The following GRAMD1B variants were observed in gnomAD, a reference collection of about 807,000 sequenced individuals.
GRAMD1B encodes the protein GRAM domain containing 1B, also known as protein Aster-B.
In GRAMD1B, 37 loss-of-function variants were observed where a neutral mutation model predicts 99.7. The ratio of observed to expected loss-of-function variants is 0.37; its 90% confidence interval spans 0.29 to 0.49. The LOEUF (loss-of-function observed/expected upper bound fraction) is 0.49, where lower values mean the gene tolerates loss of function less well. GRAMD1B is among the 20% of genes least tolerant of loss of function. The pLI is 0.98. For synonymous variants in GRAMD1B, 427 were observed against 387.6 expected (o/e 1.10, Z -1.19); for missense variants, 888 against 1,009.2 (o/e 0.88, Z 1.63).
At chr11:123,384,922 G>A (rs1369488973) in intron 1 of GRAMD1B, among the ~76,000 whole-genome samples, 1 of 152,108 alleles carries the variant, frequency 6.6e-6, no homozygotes, top group Non-Finnish European at 1.5e-5. Context: ...TCAATTAATA[G>A]GTGTGGCTGT....
intron 2 of GRAMD1B, among the ~76,000 whole-genome samples, chr11:123,484,751 A>T (rs991405227): frequency 6.6e-6 from 1 of 152,112 alleles, no homozygotes; most frequent in East Asian, 1.9e-4. Flanking sequence ...CTTTCTTCTC[A>T]TCTTGGCTGC....
chr11:123,458,482 T>G (rs2098016432), intron 1 of GRAMD1B: 1 of 152,252 alleles, frequency 6.6e-6, no homozygotes, highest in South Asian at 2.1e-4. Flanking sequence ...TGGCAACATC[T>G]TCACAGACAC....
rs202026641 is a variant in GRAMD1B at position 123,389,999 on chromosome 11, T to C, written c.-176+31200T>C. Among the ~76,000 whole-genome samples, 33 of 152,180 alleles carry C rather than the reference T, an allele frequency of 2.2e-4. No individual in the cohort carries two copies. In the East Asian group the frequency reaches 6.4e-3, roughly 29 times the overall value. ...CTCAAACTCCTGGCCCCAAGTGATC[T>C]GCCTGCCTCGGCCTCCCAAAGTGCT... On this transcript the variant is annotated intron_variant, in intron 1 of 20. Coordinates refer to the GRAMD1B transcript ENST00000638157.
At chr11:123,618,864 C>A in intron 18 of GRAMD1B, 64 bp downstream of exon 18, 3 of 859,336 alleles carry the variant, frequency 3.5e-6, no homozygotes, top group Non-Finnish European at 5.8e-6. Flanking sequence ...TACCTGTCTC[C>A]CAGTCTCCTT....
At chr11:123,452,313 C>A (rs1321078017) in intron 1 of GRAMD1B, among the ~76,000 whole-genome samples, 3 of 152,216 alleles carry the variant, frequency 2.0e-5, no homozygotes, top group African/African-American at 7.2e-5. Context: ...GTAATCCTGG[C>A]AATTAGCCAG....
intron 1 of GRAMD1B, among the ~76,000 whole-genome samples, chr11:123,471,002 A>G (rs1329904408): frequency 1.3e-5 from 2 of 152,204 alleles, no homozygotes; most frequent in Non-Finnish European, 2.9e-5. Flanking sequence ...ATTTTTAATT[A>G]ATTTAAATTT....
rs567488855 is a variant in GRAMD1B, at chr11:123,487,878, A to T, written c.452+6985A>T. ...TGCTTCGGCCTCCCCAAGTTCTGGG[A>T]TTACAGACGTGAGCCACGGCACCCA... On this transcript the variant is annotated intron_variant, in intron 2 of 19. Coordinates refer to ENST00000635736, the MANE Select transcript of GRAMD1B (RefSeq NM_001387025.1). 2.6e-5 allele frequency among the ~76,000 whole-genome samples: 4 copies of T among 152,230 alleles called. No individual in the cohort carries two copies. In the South Asian group the frequency reaches 8.3e-4, roughly 31 times the overall value.
intron 1 of GRAMD1B, among the ~76,000 whole-genome samples, chr11:123,409,994 G>A (rs1016980196): frequency 6.6e-6 from 1 of 152,168 alleles, no homozygotes; most frequent in South Asian, 2.1e-4. Flanking sequence ...GGAGTCACAA[G>A]ATCAGATTTT....
intron 1 of GRAMD1B, among the ~76,000 whole-genome samples, chr11:123,433,635 A>G (rs1424048785): frequency 6.6e-6 from 1 of 151,782 alleles, no homozygotes; most frequent in Non-Finnish European, 1.5e-5. Context: ...ACTGCATTTC[A>G]GCCATGGTGA....
At chr11:123,364,802 C>T (rs1210118792) in intron 1 of GRAMD1B, among the ~76,000 whole-genome samples, 4 of 151,848 alleles carry the variant, frequency 2.6e-5, no homozygotes, top group South Asian at 2.1e-4. Context: ...TCCCCAGGCT[C>T]CTCTACTTGG....
intron 1 of GRAMD1B, among the ~76,000 whole-genome samples, chr11:123,465,632 G>C (rs1344229370): frequency 6.6e-6 from 1 of 151,968 alleles, no homozygotes; most frequent in Non-Finnish European, 1.5e-5. Context: ...AGCCGGGTGT[G>C]GTGGTGCATA....
intron 1 of GRAMD1B, among the ~76,000 whole-genome samples, chr11:123,382,753 G>T (rs1053019396): frequency 1.3e-5 from 2 of 152,190 alleles, no homozygotes; most frequent in Non-Finnish European, 2.9e-5. Context: ...AAAGGTGTGG[G>T]TAAAGTTAAG....
At chr11:123,563,906 G>A (rs544281664) in intron 2 of GRAMD1B, among the ~76,000 whole-genome samples, 8 of 152,228 alleles carry the variant, frequency 5.3e-5, no homozygotes, top group African/African-American at 1.7e-4. Flanking sequence ...AGCCAGCAGC[G>A]GGACCGACCT....
rs1319570399 is a variant in GRAMD1B, at chr11:123,492,012, C to T, written c.452+11119C>T. 1 of 398,474 alleles carries T rather than the reference C, an allele frequency of 2.5e-6. No homozygotes were observed. Among genetic ancestry groups the T allele is most frequent in the Non-Finnish European group, 4.4e-6 (1 of 225,878 alleles). 24.7% of individuals were successfully genotyped at this position (398,474 alleles called of 1,614,324 possible). On this transcript the variant is annotated intron_variant, in intron 2 of 19. Coordinates refer to ENST00000635736, the MANE Select transcript of GRAMD1B (RefSeq NM_001387025.1). The surrounding 1 kb of genome is among the most constrained non-coding windows in gnomAD (Gnocchi z 4.2). Reference sequence around the variant, plus strand: ...GTTTGGGATTGCCTGGGTTGGCTCCCATGTTTGGAGATATTGTAGGTCCCT... The same window carrying T: ...GTTTGGGATTGCCTGGGTTGGCTCCTATGTTTGGAGATATTGTAGGTCCCT...
chr11:123,606,060 A>G (rs1206334367), intron 10 of GRAMD1B, among the ~76,000 whole-genome samples: 1 of 152,172 alleles, frequency 6.6e-6, no homozygotes, highest in African/African-American at 2.4e-5. Flanking sequence ...TTCTTCAGGA[A>G]AGGACTCCCT....
chr11:123,431,766 C>A (rs896981385), intron 1 of GRAMD1B, among the ~76,000 whole-genome samples: 9 of 152,202 alleles, frequency 5.9e-5, no homozygotes, highest in African/African-American at 1.9e-4. Context: ...ACATCGATAC[C>A]TACAAGACTG....
At chr11:123,553,001 G>A (rs919774381) in intron 2 of GRAMD1B, among the ~76,000 whole-genome samples, 2 of 152,172 alleles carry the variant, frequency 1.3e-5, no homozygotes, top group African/African-American at 2.4e-5. Flanking sequence ...AGAGAATTAG[G>A]TTAAAATAGT....
rs1434116371 is a variant in GRAMD1B at position 123,584,299 on chromosome 11, T to C, written c.664-13T>C. The C allele has an allele frequency of 7.9e-7, 1 of 1,267,946 alleles. No homozygotes were observed. Among genetic ancestry groups the C allele is most frequent in the Admixed American group, 2.3e-5 (1 of 44,032 alleles). 78.5% of individuals were successfully genotyped at this position (1,267,946 alleles called of 1,614,324 possible). Reference sequence around the variant, plus strand: ...TGACTAATTCTACCTTCTCTTTCATTTTCTCTTTTCAGAAAAGCCAGAGTT... The same window carrying C: ...TGACTAATTCTACCTTCTCTTTCATCTTCTCTTTTCAGAAAAGCCAGAGTT... On this transcript the variant is annotated splice_polypyrimidine_tract_variant and intron_variant, in intron 3 of 19. Coordinates refer to ENST00000635736, the MANE Select transcript of GRAMD1B (RefSeq NM_001387025.1).
intron 2 of GRAMD1B, among the ~76,000 whole-genome samples, chr11:123,516,476 C>T (rs996211859): frequency 3.9e-5 from 6 of 152,178 alleles, no homozygotes; most frequent in African/African-American, 1.4e-4. Context: ...GTGATAGTAG[C>T]AATATGTTCC....
Sources: allele counts gnomAD v4.1 joint callset (sites outside exome capture counted in the v4.1 genomes callset), GRCh38; gene constraint gnomAD v4.1.1; non-coding constraint Gnocchi (gnomAD v3.1); transcripts MANE v1.5; gene names NCBI Gene and HGNC (gene_info 2026-07-23, HGNC 2026-07-21).